ZFAND3: variants seen among roughly 807,000 people sequenced by gnomAD.
ZFAND3 encodes AN1-type zinc finger protein 3.
Under a neutral mutation model 29.6 loss-of-function variants are expected in ZFAND3, and 10 were observed. That is an observed-to-expected ratio of 0.34 (90% CI 0.21 to 0.57). The LOEUF is 0.57. ZFAND3 is among the 20% of genes least tolerant of loss of function. The probability of loss-of-function intolerance (pLI) is 0.86; values close to 1 mark genes in which losing one functional copy is unlikely to be tolerated. For synonymous variants in ZFAND3, 128 were observed against 112.6 expected (o/e 1.14, Z -0.87); for missense variants, 230 against 304.5 (o/e 0.76, Z 1.82).
chr6:38,138,814 TGAA>T (rs1765894022), intron 5 of ZFAND3, among the ~76,000 whole-genome samples: 1 of 152,156 alleles, frequency 6.6e-6, no homozygotes, highest in African/African-American at 2.4e-5. Flanking sequence ...GTCAAGAAGA[TGAA>T]GAGTTGTTTC....
intron 4 of ZFAND3, among the ~76,000 whole-genome samples, chr6:38,109,036 C>G (rs72852582): frequency 0.015 from 2,332 of 151,866 alleles, 23 homozygotes; most frequent in South Asian, 0.028. Context: ...CAAGGGTGTC[C>G]TCTCTCAACA....
intron 1 of ZFAND3, among the ~76,000 whole-genome samples, chr6:37,929,527 G>T (rs1761553091): frequency 6.6e-6 from 1 of 152,146 alleles, no homozygotes; most frequent in Admixed American, 6.5e-5. Flanking sequence ...TGTATATGAG[G>T]AGAAAGTTTT....
chr6:38,011,503 C>T (rs1763152824), intron 2 of ZFAND3, among the ~76,000 whole-genome samples: 1 of 152,154 alleles, frequency 6.6e-6, no homozygotes, highest in African/African-American at 2.4e-5. Flanking sequence ...TTGGTCATTC[C>T]ACTGAGTGTG....
chr6:38,086,453 G>A (rs771685650), intron 4 of ZFAND3, among the ~76,000 whole-genome samples: 17 of 152,168 alleles, frequency 1.1e-4, no homozygotes, highest in Non-Finnish European at 1.8e-4. Flanking sequence ...GAATGTGTGA[G>A]TTAAAGCACA....
At chr6:38,088,674 G>A (rs573998373) in intron 4 of ZFAND3, among the ~76,000 whole-genome samples, 70 of 152,240 alleles carry the variant, frequency 4.6e-4, no homozygotes, top group African/African-American at 1.5e-3. Context: ...CTTTTGCTCC[G>A]CTCTATCTAT....
chr6:37,921,116 T>C (rs1761368893), intron 1 of ZFAND3, among the ~76,000 whole-genome samples: 1 of 152,166 alleles, frequency 6.6e-6, no homozygotes, highest in Admixed American at 6.6e-5. Context: ...TTTGTCCTCT[T>C]ACCCATCCCT....
At chr6:37,926,791 CTG>C (rs1761493110) in intron 1 of ZFAND3, among the ~76,000 whole-genome samples, 1 of 152,134 alleles carries the variant, frequency 6.6e-6, no homozygotes, top group Non-Finnish European at 1.5e-5. Context: ...GCTCTGTTGT[CTG>C]TTCCAAGACC....
intron 5 of ZFAND3, among the ~76,000 whole-genome samples, chr6:38,147,243 A>G (rs540121413): frequency 6.6e-6 from 1 of 152,290 alleles, no homozygotes; most frequent in Non-Finnish European, 1.5e-5. Flanking sequence ...AACATGGGAT[A>G]TTTGCCTTTG....
At chr6:37,930,586 G>A (rs138885159) in intron 2 of ZFAND3, among the ~76,000 whole-genome samples, 8 of 152,232 alleles carry the variant, frequency 5.3e-5, no homozygotes, top group African/African-American at 1.7e-4. Flanking sequence ...GGTAAGTCAC[G>A]TAATCTCTTT....
intron 1 of ZFAND3, among the ~76,000 whole-genome samples, chr6:37,854,716 T>C (rs558489385): frequency 5.2e-4 from 79 of 151,486 alleles, no homozygotes; most frequent in African/African-American, 1.7e-3. Flanking sequence ...TCTAGAACTC[T>C]CTCTTAACTG....
At chr6:37,989,008 A>G (rs1162992081) in intron 2 of ZFAND3, among the ~76,000 whole-genome samples, 2 of 151,882 alleles carry the variant, frequency 1.3e-5, no homozygotes, top group South Asian at 2.1e-4. Flanking sequence ...GTTTCAAGCA[A>G]TTCTCCTCCC....
At chr6:37,975,475 A>C (rs558815723) in intron 2 of ZFAND3, among the ~76,000 whole-genome samples, 1 of 152,016 alleles carries the variant, frequency 6.6e-6, no homozygotes, top group Non-Finnish European at 1.5e-5. Context: ...AATGAAGTTC[A>C]GTTTATCCAT....
intron 1 of ZFAND3, among the ~76,000 whole-genome samples, 163 bp downstream of exon 1, chr6:37,820,179 G>A (rs1279841964): frequency 6.6e-6 from 1 of 151,890 alleles, no homozygotes. Context: ...AGGGGTGCCG[G>A]GTGGGGAGCT....
intron 2 of ZFAND3, among the ~76,000 whole-genome samples, chr6:38,040,740 C>A (rs1763744516): frequency 6.6e-6 from 1 of 152,104 alleles, no homozygotes; most frequent in Non-Finnish European, 1.5e-5. Context: ...TTTTCTGAAC[C>A]ATTTGAGCAT....
chr6:38,068,839 A>G (rs1169644622), intron 3 of ZFAND3, among the ~76,000 whole-genome samples: 4 of 152,216 alleles, frequency 2.6e-5, no homozygotes, highest in South Asian at 2.1e-4. Flanking sequence ...TGATTCCCAA[A>G]ATAGAAATTT....
At chr6:37,949,173 C>G (rs947691390) in intron 2 of ZFAND3, among the ~76,000 whole-genome samples, 13 of 152,106 alleles carry the variant, frequency 8.5e-5, no homozygotes, top group African/African-American at 3.1e-4. Flanking sequence ...GAGATGATAT[C>G]TCATTGTTGC....
At chr6:37,820,923 G>A (rs538926508) in intron 1 of ZFAND3, among the ~76,000 whole-genome samples, 10 of 152,324 alleles carry the variant, frequency 6.6e-5, no homozygotes, top group African/African-American at 2.2e-4. Flanking sequence ...CACCTAACAG[G>A]TGCCTCCATC....
chr6:38,029,073 T>C (rs1188538615), intron 2 of ZFAND3, among the ~76,000 whole-genome samples: 6 of 152,164 alleles, frequency 3.9e-5, no homozygotes. Context: ...AAATATTCAG[T>C]CTTGGGCATG....
At chr6:37,821,549 A>C (rs1763667166) in intron 1 of ZFAND3, among the ~76,000 whole-genome samples, 1 of 152,164 alleles carries the variant, frequency 6.6e-6, no homozygotes, top group South Asian at 2.1e-4. Flanking sequence ...CAGGGAGTGT[A>C]GGGTGGAGCT....
Sources: allele counts gnomAD v4.1 joint callset (sites outside exome capture counted in the v4.1 genomes callset), GRCh38; gene constraint gnomAD v4.1.1; transcripts MANE v1.5; gene names NCBI Gene and HGNC (gene_info 2026-07-23, HGNC 2026-07-21).